IPO11: variants seen among roughly 807,000 people sequenced by gnomAD.
IPO11 encodes the protein importin-11.
IPO11 carries 66 observed loss-of-function variants against 143.2 expected under a neutral mutation model. The observed-to-expected ratio is 0.46, with a 90% CI of 0.38 to 0.57. The LOEUF is 0.57. Ranked by LOEUF, IPO11 falls within the 20% of genes least tolerant of loss-of-function variation. The probability of loss-of-function intolerance (pLI) is 0.00; values close to 1 mark genes in which losing one functional copy is unlikely to be tolerated. For missense variants in IPO11, 1,026 were observed against 1,141.0 expected, an observed-to-expected ratio of 0.90 and a Z score of 1.45; for synonymous variants, 385 against 377.8, an observed-to-expected ratio of 1.02 and a Z score of -0.22.
At chr5:62,579,880 C>T (rs1744477983) in intron 27 of IPO11, 1 of 1,550,248 alleles carries the variant, frequency 6.5e-7, no homozygotes, top group Non-Finnish European at 8.7e-7. Flanking sequence ...ATCTTTTGTT[C>T]CGAGAGGAGT....
intron 1 of IPO11, chr5:62,422,446 A>T (rs924456637): frequency 1.1e-4 from 17 of 152,302 alleles, no homozygotes; most frequent in African/African-American, 4.1e-4. Context: ...TTTAAAAGCA[A>T]TAAGCATAAC....
At chr5:62,589,154 G>C (rs1197624149) in intron 27 of IPO11, among the ~76,000 whole-genome samples, 8 of 152,090 alleles carry the variant, frequency 5.3e-5, no homozygotes, top group Admixed American at 1.3e-4. Context: ...TGTACTTTCA[G>C]CTGTTCAGCC....
chr5:62,581,183 C>T, intron 27 of IPO11: 1 of 1,551,014 alleles, frequency 6.4e-7, no homozygotes, highest in Non-Finnish European at 8.7e-7. Context: ...AATGTAACTG[C>T]CTCAATTTGT....
Position 62,580,720 on chromosome 5 carries a change from A to C in IPO11, c.2583-10857A>C, listed in dbSNP as rs1421909287. 5 of 1,551,344 alleles carry C rather than the reference A, an allele frequency of 3.2e-6. No homozygotes were observed. The highest frequency in any genetic ancestry group is 4.4e-6 in the Non-Finnish European group (5 of 1,146,842). On this transcript the variant is annotated intron_variant, in intron 27 of 29. Transcript: ENST00000325324. Reference sequence around the variant, plus strand: ...ATCTCCTCATATTCATCACAAGACTACTGCGCTAATGATGGCCTGGCATAA... The same window carrying C: ...ATCTCCTCATATTCATCACAAGACTCCTGCGCTAATGATGGCCTGGCATAA...
intron 29 of IPO11, among the ~76,000 whole-genome samples, chr5:62,610,452 T>C (rs140963216): frequency 7.2e-5 from 11 of 152,314 alleles, no homozygotes; most frequent in African/African-American, 1.7e-4. Flanking sequence ...TTTTTATCCA[T>C]GTGTCTGTCT....
At chr5:62,420,031 C>T (rs1743446916) in intron 1 of IPO11, among the ~76,000 whole-genome samples, 1 of 152,068 alleles carries the variant, frequency 6.6e-6, no homozygotes. Context: ...TGGCTCACGC[C>T]TGTAATCTTA....
chr5:62,438,869 C>CT (rs1744338586), intron 2 of IPO11, among the ~76,000 whole-genome samples: 2 of 151,940 alleles, frequency 1.3e-5, no homozygotes, highest in Non-Finnish European at 2.9e-5. Context: ...ACCATCCTGA[C>CT]TAACACGGTG....
At chr5:62,509,329 AT>A (rs1741669609) in intron 19 of IPO11, among the ~76,000 whole-genome samples, 1 of 152,224 alleles carries the variant, frequency 6.6e-6, no homozygotes, top group South Asian at 2.1e-4. Context: ...ACTTAGAGTA[AT>A]TTTTTTAACC....
rs1482042490 is a variant in IPO11 at position 62,537,196 on chromosome 5, A to C, written c.2170-13A>C. 3 of 1,512,226 alleles carry C rather than the reference A, an allele frequency of 2.0e-6. No homozygotes were observed. Among genetic ancestry groups the C allele is most frequent in the Non-Finnish European group, 1.8e-6 (2 of 1,099,124 alleles). The allele number at this position is 1,512,226 out of a possible 1,614,324, so 93.7% of individuals were successfully genotyped here. A position where few individuals can be genotyped will look rare whatever the true frequency, so the allele number is the denominator to read the frequency against. ...TATATTCTTACATATATTGACTTTT[A>C]ATTGAATTTCAGACATACGCAGTAG... On this transcript the variant is annotated splice_polypyrimidine_tract_variant and intron_variant, in intron 23 of 29. Transcript: ENST00000325324.
chr5:62,458,075 A>G (rs1413995008), intron 5 of IPO11, among the ~76,000 whole-genome samples: 1 of 143,442 alleles, frequency 7.0e-6, no homozygotes, highest in Non-Finnish European at 1.5e-5. Context: ...TGAATCGGGG[A>G]GGCGGAGCTT....
At chr5:62,514,180 C>T (rs1741912253) in intron 19 of IPO11, among the ~76,000 whole-genome samples, 3 of 151,958 alleles carry the variant, frequency 2.0e-5, no homozygotes, top group Admixed American at 1.3e-4. Flanking sequence ...CCTCACTTCC[C>T]AGACGGGGTG....
chr5:62,578,331 AT>A (rs1227383162), intron 27 of IPO11, among the ~76,000 whole-genome samples: 8 of 151,968 alleles, frequency 5.3e-5, no homozygotes, highest in Admixed American at 3.9e-4. Context: ...TTCATTCTAA[AT>A]TTTTTCCCCT....
intron 27 of IPO11, among the ~76,000 whole-genome samples, chr5:62,584,922 C>A (rs1744715118): frequency 6.6e-6 from 1 of 151,918 alleles, no homozygotes; most frequent in South Asian, 2.1e-4. Context: ...CCCAGATGTG[C>A]CTTGTTTCAT....
At chr5:62,608,983 G>A (rs1745833378) in intron 29 of IPO11, among the ~76,000 whole-genome samples, 1 of 152,148 alleles carries the variant, frequency 6.6e-6, no homozygotes, top group Non-Finnish European at 1.5e-5. Flanking sequence ...GGAATGTTAT[G>A]CAGTAGGACT....
chr5:62,620,818 C>T (rs1031143791), intron 29 of IPO11, among the ~76,000 whole-genome samples: 2 of 152,176 alleles, frequency 1.3e-5, no homozygotes, highest in Non-Finnish European at 2.9e-5. Context: ...CATCTGCTTG[C>T]CATCATGGCC....
chr5:62,570,685 C>T (rs1454684955), intron 27 of IPO11, among the ~76,000 whole-genome samples: 1 of 152,194 alleles, frequency 6.6e-6, no homozygotes, highest in African/African-American at 2.4e-5. Context: ...TAATTTGATA[C>T]TACGTTCTCA....
intron 20 of IPO11, among the ~76,000 whole-genome samples, chr5:62,520,481 G>A (rs1028884307): frequency 1.3e-4 from 20 of 151,842 alleles, no homozygotes; most frequent in Admixed American, 3.3e-4. Context: ...CCATTAACTC[G>A]TCATTTACAT....
In IPO11 at chr5:62,598,391, GCTTTCTTT is replaced by G. The variant is rs1214176867; in HGVS notation, c.2679-3338_2679-3331del. 8.5e-4 allele frequency among the ~76,000 whole-genome samples: 31 copies of G among 36,502 alleles called. 3 individuals carry two copies. Among genetic ancestry groups the G allele is most frequent in the East Asian group, 6.3e-3 (6 of 950 alleles). 23.9% of individuals were successfully genotyped at this position (36,502 alleles called of 152,430 possible). On this transcript the variant is annotated intron_variant, in intron 28 of 29. Transcript: ENST00000325324. ...CCATAAATTGTTTGCTTGCTTGCTT[GCTTTCTTT>G]CTTTCTTTCTTTCTTTCTTTCTTTC...
chr5:62,586,628 G>A (rs1744782305), intron 27 of IPO11, among the ~76,000 whole-genome samples: 1 of 151,134 alleles, frequency 6.6e-6, no homozygotes, highest in African/African-American at 2.4e-5. Context: ...GCACATGCGT[G>A]TATTCCCAGC....
Sources: allele counts gnomAD v4.1 joint callset (sites outside exome capture counted in the v4.1 genomes callset), GRCh38; gene constraint gnomAD v4.1.1; transcripts MANE v1.5; gene names NCBI Gene and HGNC (gene_info 2026-07-23, HGNC 2026-07-21).